The following MYO1H variants were observed in gnomAD, a reference collection of about 807,000 sequenced individuals.
The protein encoded by MYO1H is unconventional myosin-Ih.
Under a neutral mutation model 149.3 loss-of-function variants are expected in MYO1H, and 118 were observed. The observed-to-expected ratio is 0.79, with a 90% CI of 0.68 to 0.92. The LOEUF is 0.92. Ranked by LOEUF, MYO1H falls within the 40% of genes least tolerant of loss-of-function variation. The pLI, the probability that MYO1H is intolerant of heterozygous loss-of-function variation, is 0.00. For synonymous variants in MYO1H, 447 were observed against 465.2 expected (o/e 0.96, Z 0.50); for missense variants, 1,212 against 1,280.7 (o/e 0.95, Z 0.82).
the MYO1H span, among the ~76,000 whole-genome samples, chr12:109,314,169 G>A: frequency 6.6e-6 from 1 of 151,020 alleles, no homozygotes; most frequent in African/African-American, 2.4e-5. Context: ...ACAGGCGTGA[G>A]CCACCATACC....
intron 9 of MYO1H, among the ~76,000 whole-genome samples, 193 bp from the exon 10 acceptor site, chr12:109,407,601 A>T (rs1435486822): frequency 2.6e-5 from 2 of 76,386 alleles, no homozygotes; most frequent in Admixed American, 1.1e-4. Context: ...ACATTTCTAC[A>T]AAAAAAAAAA....
chr12:109,397,655 A>T, intron 4 of MYO1H, 77 bp from the exon 5 acceptor site: 1 of 1,131,708 alleles, frequency 8.8e-7, no homozygotes, highest in Admixed American at 2.6e-5. Context: ...TTTTTGTAAT[A>T]AGTGTATTAT....
chr12:109,406,964 T>A, intron 9 of MYO1H, 104 bp downstream of exon 9: 2 of 1,001,028 alleles, frequency 2.0e-6, no homozygotes, highest in Non-Finnish European at 3.1e-6. Context: ...CCTTTGATCC[T>A]AGCTCACCAG....
intron 2 of MYO1H, among the ~76,000 whole-genome samples, chr12:109,389,513 G>A (rs1869544229): frequency 6.6e-6 from 1 of 152,162 alleles, no homozygotes; most frequent in South Asian, 2.1e-4. Flanking sequence ...ATACCAAGCA[G>A]GCAAAAATAA....
rs1555254297 is a variant in MYO1H at position 109,427,909 on chromosome 12, AATATATATATAT to A, written c.1949+340_1949+351del. Among the ~76,000 whole-genome samples the A allele has an allele frequency of 5.5e-3, 91 of 16,412 alleles. 3 individuals are homozygous for A. The highest frequency in any genetic ancestry group is 0.026 in the African/African-American group (83 of 3,202). 10.8% of individuals were successfully genotyped at this position (16,412 alleles called of 152,430 possible). On this transcript the variant is annotated intron_variant, in intron 19 of 31. Coordinates refer to ENST00000310903, the Ensembl canonical transcript of MYO1H. ...AAAAAAAAAAAAAAAAAAAAAAAAA[AATATATATATAT>A]ATATATATATATATATTAGATGGGT... is the stretch of plus-strand genomic sequence containing the variant.
upstream of MYO1H, among the ~76,000 whole-genome samples, chr12:109,344,793 A>G (rs1312539157): frequency 6.6e-6 from 1 of 152,226 alleles, no homozygotes; most frequent in Non-Finnish European, 1.5e-5. Context: ...AGATCAATGG[A>G]ATAGAATTAA....
At chr12:109,388,946 A>G in intron 2 of MYO1H, 102 bp downstream of exon 2, 2 of 1,380,052 alleles carry the variant, frequency 1.4e-6, no homozygotes, top group South Asian at 1.7e-5. Flanking sequence ...TAGGTTAGAC[A>G]TTAAAGGGAG....
At chr12:109,445,772 C>T (rs7969719) in intron 31 of MYO1H, 160 bp downstream of exon 31, 313,422 of 984,636 alleles carry the variant, frequency 0.32, 50,258 homozygotes, top group African/African-American at 0.41. Flanking sequence ...CAGGAAGAAA[C>T]TGATATAGAG....
chr12:109,342,794 C>T, the MYO1H span, among the ~76,000 whole-genome samples: 3 of 151,888 alleles, frequency 2.0e-5, no homozygotes, highest in East Asian at 3.9e-4. Flanking sequence ...CCTCCCACCT[C>T]GGCCTCTGAA....
the MYO1H span, among the ~76,000 whole-genome samples, chr12:109,319,607 G>T: frequency 6.6e-6 from 1 of 152,144 alleles, no homozygotes; most frequent in Non-Finnish European, 1.5e-5. Context: ...GTTAAATCAA[G>T]GAAATGAGTA....
chr12:109,322,387 T>C, the MYO1H span, among the ~76,000 whole-genome samples: 5 of 152,206 alleles, frequency 3.3e-5, no homozygotes, highest in African/African-American at 1.2e-4. Context: ...TTCAAAATAC[T>C]CAAAATATTA....
In MYO1H at chr12:109,415,578, C is replaced by T. The variant is rs371366979; in HGVS notation, c.1555C>T (p.Arg519Ter). 4.0e-5 allele frequency: 65 copies of T among 1,606,748 alleles called. No homozygotes were observed. Among genetic ancestry groups the T allele is most frequent in the South Asian group, 2.0e-4 (18 of 89,274 alleles). Residue 519 changes from arginine to a stop codon, truncating the protein, a stop_gained, in exon 15 of 32, where the codon CGA becomes TGA. Coordinates refer to ENST00000310903, the Ensembl canonical transcript of MYO1H. LOFTEE classifies it high-confidence loss of function. ...AAAGAGGATTGGCTGGATGGAGTTC[C>T]GACTCCTCCACTATGCAGGAGAGGT... is the stretch of plus-strand genomic sequence containing the variant.
intron 10 of MYO1H, among the ~76,000 whole-genome samples, chr12:109,408,924 G>A (rs1186395377): frequency 6.6e-6 from 1 of 152,122 alleles, no homozygotes; most frequent in East Asian, 1.9e-4. Context: ...CAAGTAGTGG[G>A]ATTACAGGTG....
the MYO1H span, among the ~76,000 whole-genome samples, chr12:109,310,693 C>G: frequency 6.6e-6 from 1 of 151,994 alleles, no homozygotes; most frequent in Non-Finnish European, 1.5e-5. Flanking sequence ...ATTTCAAGTT[C>G]TATTCAGGTG....
chr12:109,396,814 G>GGT (rs768139076), intron 4 of MYO1H, among the ~76,000 whole-genome samples: 4 of 51,088 alleles, frequency 7.8e-5, no homozygotes, highest in African/African-American at 1.3e-4. Context: ...TTTTGGTTTC[G>GGT]TTTTTTTTTT....
chr12:109,353,425 G>A (rs1332509502), intron 1 of MYO1H, among the ~76,000 whole-genome samples: 1 of 123,094 alleles, frequency 8.1e-6, no homozygotes, highest in Admixed American at 7.6e-5. Flanking sequence ...AAAAATTGTG[G>A]TTATAGAACT....
chr12:109,334,239 A>C, the MYO1H span, among the ~76,000 whole-genome samples: 1 of 152,110 alleles, frequency 6.6e-6, no homozygotes, highest in African/African-American at 2.4e-5. Context: ...GGCTGGTCTC[A>C]AACTCCTGAC....
intron 3 of MYO1H, among the ~76,000 whole-genome samples, chr12:109,394,954 G>A (rs1392565205): frequency 1.3e-5 from 2 of 152,124 alleles, no homozygotes; most frequent in Admixed American, 6.6e-5. Context: ...TAGAGACAGG[G>A]TCTCAGTGTG....
chr12:109,442,794 T>TCTGC lies in MYO1H; in HGVS notation c.2688+524_2688+525insGCCT, dbSNP rs371019971. ...GGTGATCGTGTGTGCCAGTGTCTGC[T>TCTGC]CTTTTTTTTTTTTTTTTTTTTTTTG... On this transcript the variant is annotated intron_variant, in intron 27 of 31. Transcript: ENST00000310903. Among the ~76,000 whole-genome samples, 29 of 91,966 alleles carry TCTGC rather than the reference T, an allele frequency of 3.2e-4. 2 individuals are homozygous for TCTGC. The highest frequency in any genetic ancestry group is 5.4e-4 in the African/African-American group (10 of 18,646). 60.3% of individuals were successfully genotyped at this position (91,966 alleles called of 152,430 possible).
Sources: allele counts gnomAD v4.1 joint callset (sites outside exome capture counted in the v4.1 genomes callset), GRCh38; gene constraint gnomAD v4.1.1; transcripts MANE v1.5; gene names NCBI Gene and HGNC (gene_info 2026-07-23, HGNC 2026-07-21).